The following EFHD1 variants were observed in gnomAD, a reference collection of about 807,000 sequenced individuals.
EFHD1 encodes the protein EF-hand domain-containing protein D1.
Under a neutral mutation model 17.2 loss-of-function variants are expected in EFHD1, and 10 were observed. That is an observed-to-expected ratio of 0.58 (90% CI 0.36 to 0.99). The LOEUF (loss-of-function observed/expected upper bound fraction) is 0.99, where lower values mean the gene tolerates loss of function less well. Among genes scored for constraint, EFHD1 ranks in the 50% least tolerant of loss-of-function variants. EFHD1 has a pLI of 0.01. For synonymous variants in EFHD1, 153 were observed against 142.0 expected, an observed-to-expected ratio of 1.08 and a Z score of -0.55; for missense variants, 310 against 327.5, an observed-to-expected ratio of 0.95 and a Z score of 0.41.
chr2:232,673,104 G>T (rs111930118), intron 3 of EFHD1, among the ~76,000 whole-genome samples: 1 of 152,160 alleles, frequency 6.6e-6, no homozygotes, highest in African/African-American at 2.4e-5. Flanking sequence ...GCTGGGCACC[G>T]CATTGAGCTC....
chr2:232,627,046 A>ACCC (rs1559340042), intron 1 of EFHD1, among the ~76,000 whole-genome samples: 398 of 86,182 alleles, frequency 4.6e-3, no homozygotes, highest in African/African-American at 0.018. Flanking sequence ...CTATATATAT[A>ACCC]TATATATATA....
At chr2:232,610,728 T>G (rs1693801235) in intron 1 of EFHD1, 1 of 151,810 alleles carries the variant, frequency 6.6e-6, no homozygotes, top group Admixed American at 6.6e-5. Flanking sequence ...AATTAAAAAA[T>G]TACCTGGGTG....
chr2:232,635,097 G>C (rs1457670389), intron 1 of EFHD1, among the ~76,000 whole-genome samples: 2 of 152,194 alleles, frequency 1.3e-5, no homozygotes, highest in African/African-American at 4.8e-5. Context: ...TGGTTTCTTT[G>C]TCTGGCTTCC....
At position 232,624,042 on chromosome 2, in the gene EFHD1, G is replaced by T. The variant is rs151260082; in HGVS notation, c.14+17869G>T. Reference sequence around the variant, plus strand: ...ATGGGTGGGGACAAGATGGGGCCAGGTGGGTCATCTTCTTATAGCCATGCC... The same window carrying T: ...ATGGGTGGGGACAAGATGGGGCCAGTTGGGTCATCTTCTTATAGCCATGCC... On this transcript the variant is annotated intron_variant, in intron 1 of 3. Coordinates refer to the EFHD1 transcript ENST00000409613. Among the ~76,000 whole-genome samples the T allele has an allele frequency of 3.4e-3, 513 of 152,314 alleles. 2 individuals are homozygous for T. The highest frequency in any genetic ancestry group is 6.0e-3 in the Non-Finnish European group (410 of 68,016).
At chr2:232,624,907 C>A (rs1040682084) in intron 1 of EFHD1, among the ~76,000 whole-genome samples, 1 of 152,158 alleles carries the variant, frequency 6.6e-6, no homozygotes, top group South Asian at 2.1e-4. Flanking sequence ...ATTTAAATGT[C>A]ACCGACTCCA....
At chr2:232,622,197 G>A (rs1694028956) in intron 1 of EFHD1, among the ~76,000 whole-genome samples, 1 of 152,216 alleles carries the variant, frequency 6.6e-6, no homozygotes, top group Non-Finnish European at 1.5e-5. Context: ...GCCGGGCATG[G>A]TGGCTTACGC....
intron 1 of EFHD1, among the ~76,000 whole-genome samples, chr2:232,657,016 G>T (rs1467042092): frequency 6.6e-6 from 1 of 152,228 alleles, no homozygotes; most frequent in African/African-American, 2.4e-5. Flanking sequence ...CTAGGCTCAA[G>T]TGATTCTCCT....
chr2:232,657,940 A>C (rs1574724366), intron 1 of EFHD1, among the ~76,000 whole-genome samples: 2 of 105,982 alleles, frequency 1.9e-5, no homozygotes, highest in Admixed American at 1.4e-4. Flanking sequence ...TCACTCTGTC[A>C]CTCAGGCTGG....
chr2:232,634,474 G>C (rs1206493654), intron 1 of EFHD1, among the ~76,000 whole-genome samples: 1 of 152,266 alleles, frequency 6.6e-6, no homozygotes, highest in Non-Finnish European at 1.5e-5. Context: ...CGCGGGGTCT[G>C]ATGAATGAGC....
chr2:232,640,859 C>A (rs1456059394), intron 1 of EFHD1, among the ~76,000 whole-genome samples: 1 of 152,016 alleles, frequency 6.6e-6, no homozygotes, highest in Admixed American at 6.6e-5. Flanking sequence ...GGATTCAGGC[C>A]CTGGGTGGAG....
At chr2:232,674,828 G>A (rs192451076) in intron 3 of EFHD1, among the ~76,000 whole-genome samples, 1 of 152,214 alleles carries the variant, frequency 6.6e-6, no homozygotes, top group Non-Finnish European at 1.5e-5. Flanking sequence ...CGTTGTGATC[G>A]TGGGAACACC....
chr2:232,671,919 T>C (rs1695075764), intron 2 of EFHD1, among the ~76,000 whole-genome samples: 1 of 151,262 alleles, frequency 6.6e-6, no homozygotes, highest in African/African-American at 2.4e-5. Flanking sequence ...TAGCCGCGCA[T>C]GGTGGCACAC....
In EFHD1 at chr2:232,675,261, AAAAGAAAAG is replaced by A. The variant is rs376147030; in HGVS notation, c.585+2826_585+2834del. Among the ~76,000 whole-genome samples, 165 of 152,092 alleles carry A rather than the reference AAAAGAAAAG, an allele frequency of 1.1e-3. 1 individual carries two copies. The highest frequency in any genetic ancestry group is 3.2e-3 in the African/African-American group (132 of 41,492). ...AGAAAGAAAAGAAAGAAAAGAAAAG[AAAAGAAAAG>A]AAAGAAAGAATATGGTGATCAGGAA... On this transcript the variant is annotated intron_variant, in intron 3 of 3. Coordinates refer to ENST00000264059, the MANE Select transcript of EFHD1 (RefSeq NM_025202.4).
chr2:232,616,998 C>T (rs1021766677), intron 1 of EFHD1, among the ~76,000 whole-genome samples: 5 of 152,326 alleles, frequency 3.3e-5, no homozygotes, highest in South Asian at 2.1e-4. Context: ...GTGAGTAGGG[C>T]TGGAAGGGCT....
intron 2 of EFHD1, among the ~76,000 whole-genome samples, chr2:232,671,292 A>T (rs1311121490): frequency 2.0e-5 from 3 of 151,318 alleles, no homozygotes; most frequent in Non-Finnish European, 2.9e-5. Flanking sequence ...AAAAAAAATT[A>T]GCCAGGTGTG....
chr2:232,638,195 A>C, intron 1 of EFHD1: 1 of 371,132 alleles, frequency 2.7e-6, no homozygotes, highest in Non-Finnish European at 5.5e-6. Context: ...AGTCAAGGTT[A>C]GACAGGAAAT....
intron 1 of EFHD1, among the ~76,000 whole-genome samples, chr2:232,640,315 G>A (rs1694405152): frequency 6.6e-6 from 1 of 152,184 alleles, no homozygotes; most frequent in Admixed American, 6.5e-5. Context: ...GTGGGTTCAT[G>A]TCGTGGCTGA....
At chr2:232,650,985 A>G (rs765557169) in intron 1 of EFHD1, among the ~76,000 whole-genome samples, 4 of 152,242 alleles carry the variant, frequency 2.6e-5, no homozygotes, top group Non-Finnish European at 5.9e-5. Flanking sequence ...GGGAACTCCA[A>G]TAAGCCTGAC....
intron 1 of EFHD1, among the ~76,000 whole-genome samples, chr2:232,617,485 T>TA (rs34416890): frequency 0.22 from 32,549 of 147,666 alleles, 4,032 homozygotes; most frequent in East Asian, 0.57. Flanking sequence ...CCGTCTTTAC[T>TA]AAAAAAAAAT....
Sources: gnomAD v4.1 joint callset for allele counts (sites outside exome capture counted in the v4.1 genomes callset) on GRCh38, gnomAD v4.1.1 for gene constraint, MANE v1.5 for transcripts, NCBI Gene and HGNC (gene_info 2026-07-23, HGNC 2026-07-21) for gene names.